The following DAB1 variants were observed in gnomAD, a reference collection of about 807,000 sequenced individuals.
DAB1 encodes disabled homolog 1.
In DAB1, 15 loss-of-function variants were observed where a neutral mutation model predicts 64.6. That is an observed-to-expected ratio of 0.23 (90% confidence interval 0.16 to 0.36). The LOEUF (loss-of-function observed/expected upper bound fraction) is 0.36. DAB1 is among the 10% of genes least tolerant of loss of function. DAB1 has a pLI of 1.00. For synonymous variants in DAB1, 235 were observed against 251.9 expected (o/e 0.93, Z 0.64); for missense variants, 596 against 706.7 (o/e 0.84, Z 1.78).
At chr1:58,155,419 T>C (rs981360549) in intron 4 of DAB1, among the ~76,000 whole-genome samples, 2 of 152,108 alleles carry the variant, frequency 1.3e-5, no homozygotes, top group Admixed American at 6.5e-5. Flanking sequence ...CAACAAAGAA[T>C]GACTCAGTCC....
intron 4 of DAB1, among the ~76,000 whole-genome samples, chr1:58,339,082 G>A (rs886712076): frequency 1.3e-5 from 2 of 152,114 alleles, no homozygotes; most frequent in African/African-American, 2.4e-5. Flanking sequence ...TGGAACTACC[G>A]AGAAGTAGTA....
At chr1:58,195,026 T>C (rs1657595877) in intron 4 of DAB1, among the ~76,000 whole-genome samples, 1 of 152,210 alleles carries the variant, frequency 6.6e-6, no homozygotes, top group Non-Finnish European at 1.5e-5. Context: ...AGAATACAAT[T>C]TTGATTCACA....
intron 3 of DAB1, among the ~76,000 whole-genome samples, chr1:58,370,692 C>T (rs1198841879): frequency 6.6e-6 from 1 of 152,138 alleles, no homozygotes; most frequent in Non-Finnish European, 1.5e-5. Context: ...AGGGAAGGAC[C>T]TAGCGTGAGA....
intron 4 of DAB1, among the ~76,000 whole-genome samples, chr1:58,275,524 C>G (rs1201904452): frequency 6.6e-6 from 1 of 151,982 alleles, no homozygotes; most frequent in Admixed American, 6.6e-5. Flanking sequence ...GTTATTTCTC[C>G]AAAGAATATA....
chr1:58,430,889 GAGA>G (rs1444998612), intron 3 of DAB1, among the ~76,000 whole-genome samples: 3 of 152,208 alleles, frequency 2.0e-5, no homozygotes, highest in Admixed American at 6.5e-5. Context: ...CGCATCTGGA[GAGA>G]AGAACTAGTT....
intron 5 of DAB1, among the ~76,000 whole-genome samples, chr1:57,941,992 TAA>T (rs1645113132): frequency 6.6e-6 from 1 of 152,198 alleles, no homozygotes; most frequent in Non-Finnish European, 1.5e-5. Flanking sequence ...TTTTCATCTG[TAA>T]AATGGAAAAA....
chr1:58,340,948 A>G (rs576446809), intron 4 of DAB1, among the ~76,000 whole-genome samples: 3 of 152,310 alleles, frequency 2.0e-5, no homozygotes, highest in African/African-American at 7.2e-5. Flanking sequence ...GTTTTTCCAG[A>G]CGGCAGATTC....
intron 5 of DAB1, chr1:58,048,394 A>G: frequency 1.1e-6 from 1 of 930,928 alleles, no homozygotes. Flanking sequence ...TTCCACTGCC[A>G]CTGCCAAAGC....
At chr1:57,163,133 G>A (rs966767427) in intron 2 of DAB1, among the ~76,000 whole-genome samples, 2 of 152,234 alleles carry the variant, frequency 1.3e-5, no homozygotes, top group East Asian at 3.9e-4. Context: ...CCAGAGGGAG[G>A]AAGCTCCCGC....
At chr1:57,536,456 C>T (rs1644729334) in intron 7 of DAB1, among the ~76,000 whole-genome samples, 1 of 152,170 alleles carries the variant, frequency 6.6e-6, no homozygotes, top group East Asian at 1.9e-4. Context: ...ACTGAAAAAG[C>T]ATATGCTCAG....
chr1:57,211,263 A>G (rs1665981328), intron 2 of DAB1, among the ~76,000 whole-genome samples: 1 of 152,180 alleles, frequency 6.6e-6, no homozygotes, highest in African/African-American at 2.4e-5. Context: ...AAACAGCTGT[A>G]GCCTCCCAAG....
At chr1:58,181,785 A>G (rs1656808242) in intron 4 of DAB1, among the ~76,000 whole-genome samples, 1 of 151,200 alleles carries the variant, frequency 6.6e-6, no homozygotes, top group Non-Finnish European at 1.5e-5. Context: ...GCCCAACAAT[A>G]GATTTTAAAG....
intron 3 of DAB1, among the ~76,000 whole-genome samples, chr1:58,450,620 G>A (rs1645124627): frequency 6.6e-6 from 1 of 152,144 alleles, no homozygotes; most frequent in African/African-American, 2.4e-5. Flanking sequence ...CGGGCGTGGT[G>A]GCAGGCACCT....
At chr1:58,445,607 C>T (rs548735702) in intron 3 of DAB1, among the ~76,000 whole-genome samples, 6 of 152,334 alleles carry the variant, frequency 3.9e-5, no homozygotes, top group African/African-American at 7.2e-5. Context: ...CTGTGAAAAA[C>T]GCTTCTTGCT....
chr1:57,376,113 T>C (rs1231510529), intron 1 of DAB1, among the ~76,000 whole-genome samples: 1 of 152,214 alleles, frequency 6.6e-6, no homozygotes, highest in Non-Finnish European at 1.5e-5. Flanking sequence ...CTCCACTGTC[T>C]TGTCTTCCAC....
At chr1:58,238,096 C>CA (rs1278699329) in intron 4 of DAB1, among the ~76,000 whole-genome samples, 1 of 152,188 alleles carries the variant, frequency 6.6e-6, no homozygotes, top group East Asian at 1.9e-4. Context: ...TTTGCACAAA[C>CA]AGTAAGTACC....
chr1:57,540,470 G>T (rs1644788184), intron 7 of DAB1, among the ~76,000 whole-genome samples: 1 of 152,064 alleles, frequency 6.6e-6, no homozygotes, highest in Non-Finnish European at 1.5e-5. Context: ...AAAGCAAATA[G>T]GTATATCAAA....
chr1:57,136,660 T>C lies in DAB1; in HGVS notation c.208-19A>G, dbSNP rs539338815. ...CAACGCCCTGTTGAAAGGAAGAACA[T>C]GGTTTTTACTTAAGTGTTTTCATTT... On this transcript the variant is annotated intron_variant, in intron 3 of 14. Transcript: ENST00000371236. The C allele has an allele frequency of 2.7e-6, 4 of 1,490,180 alleles. No homozygotes were observed. Among genetic ancestry groups the C allele is most frequent in the Non-Finnish European group, 3.6e-6 (4 of 1,098,418 alleles). 92.3% of individuals were successfully genotyped at this position (1,490,180 alleles called of 1,614,324 possible).
chr1:57,839,359 T>A (rs1275806795), intron 1 of DAB1, among the ~76,000 whole-genome samples: 1 of 152,134 alleles, frequency 6.6e-6, no homozygotes, highest in Non-Finnish European at 1.5e-5. Context: ...TGTGCCAACA[T>A]TCCTGATGAC....
Sources: gnomAD v4.1 joint callset for allele counts (sites outside exome capture counted in the v4.1 genomes callset) on GRCh38, gnomAD v4.1.1 for gene constraint, MANE v1.5 for transcripts, NCBI Gene and HGNC (gene_info 2026-07-23, HGNC 2026-07-21) for gene names.